Variants in RBFOX3 observed in about 807,000 individuals in gnomAD.
The protein encoded by RBFOX3 is RNA binding fox-1 homolog 3, also known as RNA binding protein fox-1 homolog 3.
In RBFOX3, 17 loss-of-function variants were observed where a neutral mutation model predicts 48.7. The ratio of observed to expected loss-of-function variants is 0.35; its 90% CI spans 0.24 to 0.52. RBFOX3 has a LOEUF of 0.52. Among genes scored for constraint, RBFOX3 ranks in the 20% least tolerant of loss-of-function variants. The pLI, the probability that RBFOX3 is intolerant of heterozygous loss-of-function variation, is 0.94. For synonymous variants in RBFOX3, 212 were observed against 209.5 expected, an observed-to-expected ratio of 1.01 and a Z score of -0.10; for missense variants, 382 against 497.5, an observed-to-expected ratio of 0.77 and a Z score of 2.21.
chr17:79,155,628 AG>A (rs1047083135), intron 4 of RBFOX3, among the ~76,000 whole-genome samples: 5 of 151,932 alleles, frequency 3.3e-5, no homozygotes, highest in African/African-American at 1.2e-4. Context: ...GTGGGTGGGG[AG>A]AAGGACCCTG....
rs1390538399 is a variant in RBFOX3, at chr17:79,477,075, A to G, written c.-175+5379T>C. ...GGGTGAAACCCCGTCTCTACTAAAA[A>G]TACAAAAATTAGCCAGGCGTGGTGG... On this transcript the variant is annotated intron_variant, in intron 2 of 14. Transcript: ENST00000693108. This position sits in a 1 kb window ranked among gnomAD's most constrained non-coding sequence, Gnocchi z 4.8. Among the ~76,000 whole-genome samples the G allele has an allele frequency of 1.3e-5, 2 of 151,474 alleles. No homozygotes were observed. Among genetic ancestry groups the G allele is most frequent in the Non-Finnish European group, 2.9e-5 (2 of 67,912 alleles).
chr17:79,488,535 T>C (rs1598908468), intron 1 of RBFOX3, among the ~76,000 whole-genome samples: 1 of 152,198 alleles, frequency 6.6e-6, no homozygotes, highest in East Asian at 1.9e-4. Flanking sequence ...TTCCAGGCCA[T>C]GGCAAGGGAA....
At chr17:79,260,603 C>T (rs536664898) in intron 3 of RBFOX3, among the ~76,000 whole-genome samples, 2 of 152,210 alleles carry the variant, frequency 1.3e-5, no homozygotes, top group African/African-American at 4.8e-5. Context: ...ATGGCCAAGG[C>T]CAAATCCAGA....
intron 3 of RBFOX3, among the ~76,000 whole-genome samples, chr17:79,275,624 C>T (rs2068657616): frequency 6.6e-6 from 1 of 152,206 alleles, no homozygotes; most frequent in African/African-American, 2.4e-5. Context: ...GGCAGGGTTG[C>T]CAGCACACCA....
chr17:79,260,316 C>G (rs2065548815), intron 3 of RBFOX3, among the ~76,000 whole-genome samples: 1 of 152,160 alleles, frequency 6.6e-6, no homozygotes, highest in South Asian at 2.1e-4. Flanking sequence ...CATGTGCCGG[C>G]ACCTGCTCCC....
chr17:79,568,131 C>G (rs2092537836), intron 1 of RBFOX3, among the ~76,000 whole-genome samples: 2 of 152,170 alleles, frequency 1.3e-5, no homozygotes, highest in South Asian at 4.1e-4. Flanking sequence ...TTCCCTCACC[C>G]CTGCCAGCCC....
chr17:79,657,050 T>C, the RBFOX3 span, among the ~76,000 whole-genome samples: 1 of 151,888 alleles, frequency 6.6e-6, no homozygotes, highest in Non-Finnish European at 1.5e-5. Flanking sequence ...ACACAGCAGG[T>C]AGGAGGGCCT....
At chr17:79,266,269 C>T (rs1361445381) in intron 3 of RBFOX3, among the ~76,000 whole-genome samples, 6 of 152,326 alleles carry the variant, frequency 3.9e-5, no homozygotes, top group African/African-American at 1.4e-4. Context: ...TGGCACATTC[C>T]CCTTGAGGAC....
At position 79,195,100 on chromosome 17, in the gene RBFOX3, C is replaced by T. The variant is rs2055323238; in HGVS notation, c.-34+40666G>A. On this transcript the variant is annotated intron_variant, in intron 4 of 14. Transcript: ENST00000693108. The surrounding 1 kb of genome is among the most constrained non-coding windows in gnomAD (Gnocchi z 5.3). ...CGGTGCCTGGCCACGGGTAGCCTCT[C>T]AAGAAGAAGTGCAGGCCGGGTGCCG... is the stretch of plus-strand genomic sequence containing the variant. Among the ~76,000 whole-genome samples, 2 of 152,048 alleles carry T rather than the reference C, an allele frequency of 1.3e-5. No individual in the cohort carries two copies. Among genetic ancestry groups the T allele is most frequent in the South Asian group, 4.2e-4 (2 of 4,814 alleles).
chr17:79,486,072 G>A (rs947027631), intron 1 of RBFOX3, among the ~76,000 whole-genome samples: 6 of 152,242 alleles, frequency 3.9e-5, no homozygotes, highest in Admixed American at 2.0e-4. Context: ...CTCAGGGCTC[G>A]CCCCAGGCTT....
chr17:79,134,623 C>A (rs1003225053), intron 4 of RBFOX3, among the ~76,000 whole-genome samples: 5 of 152,228 alleles, frequency 3.3e-5, no homozygotes, highest in African/African-American at 4.8e-5. Context: ...TGCACCCTGA[C>A]CTGCAGCCTC....
chr17:79,448,371 A>G (rs1555739536), intron 2 of RBFOX3, among the ~76,000 whole-genome samples: 1 of 152,156 alleles, frequency 6.6e-6, no homozygotes, highest in Non-Finnish European at 1.5e-5. Context: ...TTGCAGACAA[A>G]TTTAAGGTAA....
upstream of RBFOX3, among the ~76,000 whole-genome samples, chr17:79,615,063 GA>G (rs1207749475): frequency 0.049 from 7,025 of 143,202 alleles, 558 homozygotes; most frequent in East Asian, 0.3. Flanking sequence ...AATCACTGAA[GA>G]AAAAAAAAAA....
chr17:79,603,328 G>C (rs963586822), intron 1 of RBFOX3, among the ~76,000 whole-genome samples: 2 of 152,174 alleles, frequency 1.3e-5, no homozygotes, highest in Admixed American at 1.3e-4. Context: ...TGGCAGTGGA[G>C]GCATGGGGAG....
At chr17:79,400,345 G>C (rs117135209) in intron 2 of RBFOX3, among the ~76,000 whole-genome samples, 1 of 152,136 alleles carries the variant, frequency 6.6e-6, no homozygotes, top group African/African-American at 2.4e-5. Context: ...GCTTGTAGCC[G>C]AGTCTCTCCA....
chr17:79,508,445 G>C (rs987785713), intron 1 of RBFOX3, among the ~76,000 whole-genome samples: 4 of 152,154 alleles, frequency 2.6e-5, no homozygotes, highest in Non-Finnish European at 5.9e-5. Context: ...CTCCCTGACC[G>C]CCCGAGGCCG....
rs1454739401 is a variant in RBFOX3, at chr17:79,174,748, G to A, written c.-33-59000C>T. On this transcript the variant is annotated intron_variant, in intron 4 of 14. Transcript: ENST00000693108. ...ATGCATTCACACGCACACATACACTGACGCACACACAACACACTTGCCCCA... is the reference window on the plus strand; with the variant it reads ...ATGCATTCACACGCACACATACACTAACGCACACACAACACACTTGCCCCA... Among the ~76,000 whole-genome samples, 11 of 152,148 alleles carry A rather than the reference G, an allele frequency of 7.2e-5. 1 individual carries two copies. Among genetic ancestry groups the A allele is most frequent in the Admixed American group, 7.2e-4 (11 of 15,272 alleles).
chr17:79,096,855 G>A, intron 11 of RBFOX3, 22 bp from the exon 12 acceptor site: 2 of 669,864 alleles, frequency 3.0e-6, no homozygotes, highest in South Asian at 1.8e-5. Context: ...TAACAATAGA[G>A]TAACACCCTT....
Position 79,311,499 on chromosome 17 carries a change from C to T in RBFOX3, c.-174-3675G>A, listed in dbSNP as rs952106127. 2.6e-5 allele frequency among the ~76,000 whole-genome samples: 4 copies of T among 151,890 alleles called. No homozygotes were observed. Among genetic ancestry groups the T allele is most frequent in the Non-Finnish European group, 4.4e-5 (3 of 67,994 alleles). ...CTGCCTGAGGTTCCAGCCTGTCCAC[C>T]CATCCTACAGAGTTCAGATTCGGCA... is the stretch of plus-strand genomic sequence containing the variant. On this transcript the variant is annotated intron_variant, in intron 2 of 14. Coordinates refer to ENST00000693108, the MANE Select transcript of RBFOX3 (RefSeq NM_001350451.2). This position sits in a 1 kb window ranked among gnomAD's most constrained non-coding sequence, Gnocchi z 4.2.
Sources: allele counts gnomAD v4.1 joint callset (sites outside exome capture counted in the v4.1 genomes callset), GRCh38; gene constraint gnomAD v4.1.1; non-coding constraint Gnocchi (gnomAD v3.1); transcripts MANE v1.5; gene names NCBI Gene and HGNC (gene_info 2026-07-23, HGNC 2026-07-21).